Variants in PTK2B observed in about 807,000 individuals in gnomAD.
PTK2B encodes the protein protein-tyrosine kinase 2-beta.
A neutral mutation model predicts 142.9 loss-of-function variants in PTK2B; 71 were observed. That is an observed-to-expected ratio of 0.50 (90% CI 0.41 to 0.61). PTK2B has a LOEUF of 0.61. PTK2B is among the 20% of genes least tolerant of loss of function. The pLI, the probability that PTK2B is intolerant of heterozygous loss-of-function variation, is 0.00. For missense variants in PTK2B, 1,105 were observed against 1,320.4 expected (o/e 0.84, Z 2.53); for synonymous variants, 519 against 503.4 (o/e 1.03, Z -0.42).
intron 1 of PTK2B, among the ~76,000 whole-genome samples, chr8:27,376,753 G>A (rs146522422): frequency 2.6e-5 from 4 of 152,272 alleles, no homozygotes; most frequent in African/African-American, 9.6e-5. Context: ...AAATTACCCT[G>A]ATCTAAAATT....
Position 27,454,425 on chromosome 8 carries a change from C to A in PTK2B, c.2734-106C>A, listed in dbSNP as rs900407122. 3.5e-5 allele frequency: 54 copies of A among 1,545,564 alleles called. 1 individual carries two copies. The African/African-American group carries it at 5.6e-4, about 16-fold the overall frequency. On this transcript the variant is annotated intron_variant, in intron 29 of 30. Coordinates refer to ENST00000346049, the MANE Select transcript of PTK2B (RefSeq NM_173176.3). ...TGGGCCAGGGGAATTGAGTCCCAGG[C>A]CACTCGCGGGGGACAAGCACCACCC...
chr8:27,456,107 CCATT>C (rs768171536), intron 30 of PTK2B, among the ~76,000 whole-genome samples: 1 of 152,204 alleles, frequency 6.6e-6, no homozygotes, highest in African/African-American at 2.4e-5. Context: ...GGATGCCAAC[CCATT>C]CATTCATTCA....
At chr8:27,396,620 G>A (rs1020876840) in intron 1 of PTK2B, among the ~76,000 whole-genome samples, 6 of 152,218 alleles carry the variant, frequency 3.9e-5, no homozygotes, top group Non-Finnish European at 5.9e-5. Context: ...AGCTAAGGCC[G>A]ATGCCATCCA....
chr8:27,439,978 A>ACT (rs1240812658), intron 20 of PTK2B, among the ~76,000 whole-genome samples: 2 of 152,162 alleles, frequency 1.3e-5, no homozygotes, highest in African/African-American at 4.8e-5. Context: ...TCCCAATAGC[A>ACT]TGCCATGACT....
At chr8:27,388,799 T>G (rs975334977) in intron 1 of PTK2B, among the ~76,000 whole-genome samples, 7 of 152,220 alleles carry the variant, frequency 4.6e-5, no homozygotes, top group African/African-American at 1.7e-4. Context: ...CAGGCACTTA[T>G]TCTCGCTGCC....
intron 1 of PTK2B, among the ~76,000 whole-genome samples, chr8:27,365,177 A>C (rs1805945938): frequency 6.6e-6 from 1 of 152,212 alleles, no homozygotes. Context: ...ACATAATTTC[A>C]TGTCCCCTTC....
rs1159036818 is a variant in PTK2B, at chr8:27,343,995, T to A, written c.-38+18314T>A. Reference sequence around the variant, plus strand: ...TCCAGCCTGGATGACAGAGCGAGAATCCGTCTCAAAAAAATAAATAAATAA... The same window carrying A: ...TCCAGCCTGGATGACAGAGCGAGAAACCGTCTCAAAAAAATAAATAAATAA... On this transcript the variant is annotated intron_variant, in intron 1 of 30. Coordinates refer to ENST00000346049, the MANE Select transcript of PTK2B (RefSeq NM_173176.3). Among the ~76,000 whole-genome samples, 5 of 151,910 alleles carry A rather than the reference T, an allele frequency of 3.3e-5. No individual in the cohort carries two copies. The East Asian group carries it at 9.6e-4, about 29-fold the overall frequency.
At chr8:27,441,480 C>T (rs576851228) in intron 21 of PTK2B, among the ~76,000 whole-genome samples, 2 of 152,238 alleles carry the variant, frequency 1.3e-5, no homozygotes, top group South Asian at 4.2e-4. Context: ...ATACTGTAGT[C>T]AACATGTTGC....
chr8:27,397,438 ATATAGC>A, intron 1 of PTK2B, 104 bp from the exon 2 acceptor site: 1 of 809,952 alleles, frequency 1.2e-6, no homozygotes, highest in Non-Finnish European at 2.0e-6. Context: ...ATGGGAGAAT[ATATAGC>A]ATTTGTGTCT....
chr8:27,331,342 G>T (rs1022770413), intron 1 of PTK2B, among the ~76,000 whole-genome samples: 1 of 152,156 alleles, frequency 6.6e-6, no homozygotes, highest in Non-Finnish European at 1.5e-5. Flanking sequence ...GGGTGTACTG[G>T]GAATTCTGAC....
intron 5 of PTK2B, among the ~76,000 whole-genome samples, chr8:27,426,257 T>G (rs1810077184): frequency 6.6e-6 from 1 of 152,252 alleles, no homozygotes. Context: ...GTTTAGTTAT[T>G]TCCTTATTTT....
chr8:27,430,527 C>T, intron 7 of PTK2B, 109 bp downstream of exon 7: 1 of 1,435,896 alleles, frequency 7.0e-7, no homozygotes, highest in Non-Finnish European at 9.7e-7. Context: ...ATCTGCGCGG[C>T]CTCGGGCATT....
intron 8 of PTK2B, 170 bp from the exon 9 acceptor site, chr8:27,431,228 G>T: frequency 6.7e-7 from 1 of 1,501,562 alleles, no homozygotes; most frequent in Non-Finnish European, 8.9e-7. Context: ...AGGTGGGCAG[G>T]ACAGGCAAGG....
At chr8:27,436,690 G>A (rs1256265022) in intron 15 of PTK2B, among the ~76,000 whole-genome samples, 1 of 152,222 alleles carries the variant, frequency 6.6e-6, no homozygotes, top group African/African-American at 2.4e-5. Flanking sequence ...GTCAAGGCCA[G>A]TGATGGGGCA....
In PTK2B at chr8:27,458,901, C is replaced by A. The variant is rs1812323806; in HGVS notation, c.*392C>A. The A allele has an allele frequency of 2.9e-6, 1 of 348,568 alleles. No individual in the cohort carries two copies. Among genetic ancestry groups the A allele is most frequent in the Non-Finnish European group, 5.4e-6 (1 of 186,898 alleles). The allele number at this position is 348,568 out of a possible 1,614,324, so 21.6% of individuals were successfully genotyped here. ...CAAGCTATTCCTTTCCCTTCCTCTT[C>A]GGCCCTCAGATGTCCCTTGATGCAC... On this transcript the variant is annotated 3_prime_UTR_variant, in exon 31 of 31. Transcript: ENST00000346049.
In PTK2B at chr8:27,363,670, G is replaced by A. The variant is rs141954710; in HGVS notation, c.-37-33878G>A. On this transcript the variant is annotated intron_variant, in intron 1 of 30. Coordinates refer to ENST00000346049, the MANE Select transcript of PTK2B (RefSeq NM_173176.3). This position sits in a 1 kb window ranked among gnomAD's most constrained non-coding sequence, Gnocchi z 4.3. ...TTTTCTCATCATGGACCTCCTCCCC[G>A]GAGCCAGGCAGAGGCTCAGGGGCTC... Among the ~76,000 whole-genome samples, 16 of 152,240 alleles carry A rather than the reference G, an allele frequency of 1.1e-4. No individual in the cohort carries two copies. The highest frequency in any genetic ancestry group is 2.2e-4 in the African/African-American group (9 of 41,550).
chr8:27,314,205 T>G (rs1031994077), intron 3 of PTK2B, among the ~76,000 whole-genome samples: 4 of 152,272 alleles, frequency 2.6e-5, no homozygotes, highest in African/African-American at 9.6e-5. Flanking sequence ...TTGCTGAACC[T>G]AAGCATGAAA....
chr8:27,372,489 G>A (rs1806421478), intron 1 of PTK2B, among the ~76,000 whole-genome samples: 1 of 152,152 alleles, frequency 6.6e-6, no homozygotes, highest in South Asian at 2.1e-4. Flanking sequence ...TTCTATTTAG[G>A]CCTTTAACTG....
Position 27,454,497 on chromosome 8 carries a change from G to A in PTK2B, c.2734-34G>A, listed in dbSNP as rs762304165. On this transcript the variant is annotated intron_variant, in intron 29 of 30. Coordinates refer to ENST00000346049, the MANE Select transcript of PTK2B (RefSeq NM_173176.3). ...AAACCTGGCTCTCTCCAATAGCTAG[G>A]AGTGGCGGCCATCCTGCCCCTTTCT... The A allele has an allele frequency of 5.0e-6, 8 of 1,603,980 alleles. No individual in the cohort carries two copies. The Admixed American group carries it at 5.0e-5, about 10-fold the overall frequency.
Sources: gnomAD v4.1 joint callset for allele counts (sites outside exome capture counted in the v4.1 genomes callset) on GRCh38, gnomAD v4.1.1 for gene constraint, Gnocchi (gnomAD v3.1) non-coding constraint, MANE v1.5 for transcripts, NCBI Gene and HGNC (gene_info 2026-07-23, HGNC 2026-07-21) for gene names.